Variants in PLEKHM3 observed in about 807,000 individuals in gnomAD.
PLEKHM3 encodes the protein pleckstrin homology domain containing M3.
Under a neutral mutation model 81.8 loss-of-function variants are expected in PLEKHM3, and 45 were observed. The ratio of observed to expected loss-of-function variants is 0.55; its 90% confidence interval spans 0.43 to 0.71. The LOEUF is 0.71. PLEKHM3 is among the 30% of genes least tolerant of loss of function. PLEKHM3 has a pLI of 0.00. For synonymous variants in PLEKHM3, 352 were observed against 356.4 expected (o/e 0.99, Z 0.14); for missense variants, 788 against 924.3 (o/e 0.85, Z 1.91).
intron 3 of PLEKHM3, among the ~76,000 whole-genome samples, chr2:207,953,824 CAAAA>C (rs35813793): frequency 1.0e-5 from 1 of 97,678 alleles, no homozygotes; most frequent in Admixed American, 1.1e-4. Flanking sequence ...ACTCTGTCTA[CAAAA>C]AAAAAAAAAA....
At chr2:207,879,958 C>T (rs753895484) in intron 6 of PLEKHM3, among the ~76,000 whole-genome samples, 1 of 152,196 alleles carries the variant, frequency 6.6e-6, no homozygotes, top group Non-Finnish European at 1.5e-5. Context: ...ACACAAGTCT[C>T]TCAACTTGTC....
chr2:207,998,273 G>A (rs1306665069), intron 2 of PLEKHM3, among the ~76,000 whole-genome samples: 2 of 152,218 alleles, frequency 1.3e-5, no homozygotes, highest in Non-Finnish European at 2.9e-5. Context: ...AGAGGCCTAG[G>A]TGGGAGGATT....
chr2:207,918,390 T>C (rs986840466), intron 5 of PLEKHM3, among the ~76,000 whole-genome samples: 1 of 151,918 alleles, frequency 6.6e-6, no homozygotes, highest in South Asian at 2.1e-4. Flanking sequence ...GACGTGGTGG[T>C]GGGCGCCTGT....
At chr2:208,008,512 A>AAC (rs1692578291) in intron 1 of PLEKHM3, among the ~76,000 whole-genome samples, 1 of 149,460 alleles carries the variant, frequency 6.7e-6, no homozygotes, top group African/African-American at 2.4e-5. Flanking sequence ...AAAAAAAAAA[A>AAC]AAAAAAAAAA....
In PLEKHM3 at chr2:207,977,545, G is replaced by C. The variant is rs1192494503; in HGVS notation, c.652C>G (p.Leu218Val). 1 of 1,612,668 alleles carries C rather than the reference G, an allele frequency of 6.2e-7. No homozygotes were observed. Among genetic ancestry groups the C allele is most frequent in the African/African-American group, 1.3e-5 (1 of 74,874 alleles). ...TFPNILKKGY[L>V]EIRKDHDSYW... Reference sequence around the variant, plus strand: ...CTGTCATGGTCCTTTCTAATCTCCAGGTAACCCTTCTTTAGAATGTTTGGG... The same window carrying C: ...CTGTCATGGTCCTTTCTAATCTCCACGTAACCCTTCTTTAGAATGTTTGGG... The change falls in exon 3 of 8, where the codon CTG becomes GTG. Residue 218 changes from leucine to valine, a missense_variant. Coordinates refer to ENST00000427836, the MANE Select transcript of PLEKHM3 (RefSeq NM_001080475.3).
rs544373518 is a variant in PLEKHM3 at position 208,023,870 on chromosome 2, T to C, written c.-319+1519A>G. 4.3e-5 allele frequency among the ~76,000 whole-genome samples: 4 copies of C among 94,006 alleles called. No individual in the cohort carries two copies. In the South Asian group the frequency reaches 1.1e-3, roughly 27 times the overall value. The allele number at this position is 94,006 out of a possible 152,430, so 61.7% of individuals were successfully genotyped here. Reference sequence around the variant, plus strand: ...CACTGGCATATTTTTATTTTATATATTTATTAACAAACATGTATATAGCAA... The same window carrying C: ...CACTGGCATATTTTTATTTTATATACTTATTAACAAACATGTATATAGCAA... On this transcript the variant is annotated intron_variant, in intron 1 of 7. Transcript: ENST00000427836.
rs374001590 is a variant in PLEKHM3, at chr2:207,999,584, G to A, written c.610+1446C>T. On this transcript the variant is annotated intron_variant, in intron 2 of 7. Coordinates refer to ENST00000427836, the MANE Select transcript of PLEKHM3 (RefSeq NM_001080475.3). ...TACATCATCATATTCCAGCCTGGGAGACAACAAGACCTTGTCCCTAAAAAA... is the reference window on the plus strand; with the variant it reads ...TACATCATCATATTCCAGCCTGGGAAACAACAAGACCTTGTCCCTAAAAAA... Among the ~76,000 whole-genome samples the A allele has an allele frequency of 1.4e-4, 22 of 152,194 alleles. No homozygotes were observed. The East Asian group carries it at 3.9e-3, about 27-fold the overall frequency.
intron 4 of PLEKHM3, among the ~76,000 whole-genome samples, chr2:207,942,971 A>G (rs912183720): frequency 2.0e-5 from 3 of 152,218 alleles, no homozygotes; most frequent in Non-Finnish European, 4.4e-5. Flanking sequence ...ACTCATATGT[A>G]GGAGCAAAAA....
At position 207,826,418 on chromosome 2, in the gene PLEKHM3, A is replaced by C. The variant is rs2092251705; in HGVS notation, c.*1901T>G. 1 of 152,170 alleles carries C rather than the reference A, an allele frequency of 6.6e-6. No individual in the cohort carries two copies. The highest frequency in any genetic ancestry group is 1.5e-5 in the Non-Finnish European group (1 of 68,022). The allele number at this position is 152,170 out of a possible 1,614,324, so 9.4% of individuals were successfully genotyped here. A position where few individuals can be genotyped will look rare whatever the true frequency, so the allele number is the denominator to read the frequency against. On this transcript the variant is annotated 3_prime_UTR_variant, in exon 8 of 8. Coordinates refer to ENST00000427836, the MANE Select transcript of PLEKHM3 (RefSeq NM_001080475.3). Reference sequence around the variant, plus strand: ...TTTAACTAGAGTGGGGGAAAAGTCAACCTGCTTTTCTAAGGGTAAAAGGCA... The same window carrying C: ...TTTAACTAGAGTGGGGGAAAAGTCACCCTGCTTTTCTAAGGGTAAAAGGCA...
chr2:207,861,244 C>G lies in PLEKHM3; in HGVS notation c.1969G>C (p.Ala657Pro), dbSNP rs990909634. The change falls in exon 7 of 8, where the codon GCT becomes CCT. Residue 657 changes from alanine to proline, a missense_variant. Transcript: ENST00000427836. ...TTAATGACCTTGCCCAAGAATGGAG[C>G]CAGCTTTCCCTCTATTACCTGCAGA... Reference protein sequence around the residue: ...DLQQVIEGKLAPFLGKVIKFA... With the variant: ...DLQQVIEGKLPPFLGKVIKFA... 1 of 1,613,854 alleles carries G rather than the reference C, an allele frequency of 6.2e-7. No individual in the cohort carries two copies. The highest frequency in any genetic ancestry group is 1.3e-5 in the African/African-American group (1 of 74,908).
rs530412456 is a variant in PLEKHM3 at position 207,977,355 on chromosome 2, T to C, written c.842A>G (p.Tyr281Cys). Residue 281 changes from tyrosine to cysteine, a missense_variant, in exon 3 of 8, where the codon TAT becomes TGT. Transcript: ENST00000427836. The stretch of plus-strand genomic sequence containing the variant: ...CTTTAGCTGTAGCTGAGTGTTGTCA[T>C]ACAAAACAGTATCCACCATCCTGGC... ...LEARMVDTVL[Y>C]DNTQLQLKAE... 1.9e-6 allele frequency: 3 copies of C among 1,614,162 alleles called. No individual in the cohort carries two copies. Among genetic ancestry groups the C allele is most frequent in the African/African-American group, 1.3e-5 (1 of 75,048 alleles).
chr2:207,837,751 C>T (rs970292818), intron 7 of PLEKHM3, among the ~76,000 whole-genome samples: 2 of 132,118 alleles, frequency 1.5e-5, no homozygotes, highest in Non-Finnish European at 3.1e-5. Context: ...GGCGCCTGGC[C>T]GGTTCTTCCA....
chr2:207,848,657 C>T (rs1489950793), intron 7 of PLEKHM3, among the ~76,000 whole-genome samples: 2 of 152,198 alleles, frequency 1.3e-5, no homozygotes, highest in Non-Finnish European at 2.9e-5. Context: ...TTCATGTGTA[C>T]ATGAGGCTTA....
chr2:207,909,196 T>C (rs1419847561), intron 5 of PLEKHM3, among the ~76,000 whole-genome samples: 1 of 152,318 alleles, frequency 6.6e-6, no homozygotes, highest in East Asian at 1.9e-4. Flanking sequence ...ATATTTTAAA[T>C]TAGGACTCTT....
At chr2:207,923,899 ATATATATTTT>A (rs1373839929) in intron 5 of PLEKHM3, among the ~76,000 whole-genome samples, 9 of 82,582 alleles carry the variant, frequency 1.1e-4, no homozygotes, top group African/African-American at 4.3e-4. Context: ...ATATATATAT[ATATATATTTT>A]TTTTTTTTTT....
chr2:208,021,779 G>GT (rs1284723988), intron 1 of PLEKHM3, among the ~76,000 whole-genome samples: 1 of 152,016 alleles, frequency 6.6e-6, no homozygotes, highest in Admixed American at 6.6e-5. Context: ...TGTAGATTTT[G>GT]TTTTTTTAAA....
intron 6 of PLEKHM3, chr2:207,900,226 T>G (rs925996414): frequency 2.0e-5 from 3 of 152,214 alleles, no homozygotes; most frequent in Non-Finnish European, 4.4e-5. Context: ...CTCATCTCTC[T>G]GGTGGCTGAT....
At chr2:207,867,488 T>G (rs1434693377) in intron 6 of PLEKHM3, among the ~76,000 whole-genome samples, 1 of 152,174 alleles carries the variant, frequency 6.6e-6, no homozygotes, top group Non-Finnish European at 1.5e-5. Context: ...AGGGTTAATC[T>G]TGTCTTTGAA....
chr2:208,016,773 G>A (rs1692936861), intron 1 of PLEKHM3, among the ~76,000 whole-genome samples: 2 of 150,666 alleles, frequency 1.3e-5, no homozygotes, highest in Non-Finnish European at 2.9e-5. Flanking sequence ...AACCACTTTT[G>A]AACCACAATA....
Sources: allele counts gnomAD v4.1 joint callset (sites outside exome capture counted in the v4.1 genomes callset), GRCh38; gene constraint gnomAD v4.1.1; transcripts MANE v1.5; gene names NCBI Gene and HGNC (gene_info 2026-07-23, HGNC 2026-07-21).